Variants in GLP1R observed in about 807,000 individuals in gnomAD.
The protein encoded by GLP1R is glucagon-like peptide 1 receptor.
Under a neutral mutation model 68.4 loss-of-function variants are expected in GLP1R, and 32 were observed. That is an observed-to-expected ratio of 0.47 (90% CI 0.35 to 0.63). The LOEUF is 0.63. GLP1R is among the 20% of genes least tolerant of loss of function. The pLI is 0.00. For synonymous variants in GLP1R, 263 were observed against 244.4 expected (o/e 1.08, Z -0.71); for missense variants, 502 against 594.9 (o/e 0.84, Z 1.62).
At chr6:39,065,667 C>A (rs938311626) in intron 3 of GLP1R, 44 bp from the exon 4 acceptor site, 10 of 1,282,362 alleles carry the variant, frequency 7.8e-6, no homozygotes, top group Non-Finnish European at 1.1e-5. Context: ...GGGCAGGCTG[C>A]CCTATTCTGG....
intron 12 of GLP1R, among the ~76,000 whole-genome samples, chr6:39,082,703 G>A (rs550357194): frequency 3.9e-5 from 6 of 152,244 alleles, no homozygotes; most frequent in African/African-American, 7.2e-5. Context: ...TGGGTGATGC[G>A]CTACCCAGCC....
At chr6:39,076,369 A>C (rs1768826395) in intron 7 of GLP1R, among the ~76,000 whole-genome samples, 1 of 152,156 alleles carries the variant, frequency 6.6e-6, no homozygotes, top group Admixed American at 6.5e-5. Context: ...CAGTCTCATA[A>C]AGGCCTGTTA....
chr6:39,070,332 T>G (rs1484802160), intron 5 of GLP1R, among the ~76,000 whole-genome samples: 1 of 152,250 alleles, frequency 6.6e-6, no homozygotes, highest in Non-Finnish European at 1.5e-5. Context: ...TAACCACCAT[T>G]CCATATTCCG....
chr6:39,086,533 G>C lies in GLP1R; in HGVS notation c.*460G>C, dbSNP rs1350467212. ...CAAACACAGAGCGGGAGTGACGGGA[G>C]CCTCCTCTGCTTGCATCACTTGGGG... is the stretch of plus-strand genomic sequence containing the variant. On this transcript the variant is annotated 3_prime_UTR_variant, in exon 13 of 13. Coordinates refer to ENST00000373256, the MANE Select transcript of GLP1R (RefSeq NM_002062.5). This position sits in a 1 kb window ranked among gnomAD's most constrained non-coding sequence, Gnocchi z 4.5. The C allele has an allele frequency of 6.5e-6, 1 of 154,272 alleles. No homozygotes were observed. The highest frequency in any genetic ancestry group is 6.5e-5 in the Admixed American group (1 of 15,408). The allele number at this position is 154,272 out of a possible 1,614,324, so 9.6% of individuals were successfully genotyped here.
rs1208203342 is a variant in GLP1R at position 39,086,766 on chromosome 6, T to G, written c.*693T>G. On this transcript the variant is annotated 3_prime_UTR_variant, in exon 13 of 13. Coordinates refer to ENST00000373256, the MANE Select transcript of GLP1R (RefSeq NM_002062.5). The surrounding 1 kb of genome is among the most constrained non-coding windows in gnomAD (Gnocchi z 4.5). ...ACGGTGCTCGCTTCTCCTCCAGGTA[T>G]TTGAGTTGTTTTGGTGCCTGCCTCT... 1 of 152,662 alleles carries G rather than the reference T, an allele frequency of 6.6e-6. No homozygotes were observed. The highest frequency in any genetic ancestry group is 1.5e-5 in the Non-Finnish European group (1 of 68,072). 9.5% of individuals were successfully genotyped at this position (152,662 alleles called of 1,614,324 possible).
intron 3 of GLP1R, among the ~76,000 whole-genome samples, chr6:39,058,147 G>A (rs762005082): frequency 7.9e-5 from 12 of 152,190 alleles, no homozygotes; most frequent in South Asian, 2.1e-4. Flanking sequence ...AGAGAAATGC[G>A]ACCCCTTCCA....
intron 12 of GLP1R, among the ~76,000 whole-genome samples, chr6:39,083,784 A>T (rs1047187495): frequency 1.3e-5 from 2 of 152,118 alleles, no homozygotes; most frequent in African/African-American, 4.8e-5. Context: ...AGGGATGAGG[A>T]TAAAAATCCG....
At chr6:39,065,128 A>G (rs1390180792) in intron 3 of GLP1R, among the ~76,000 whole-genome samples, 1 of 152,120 alleles carries the variant, frequency 6.6e-6, no homozygotes, top group African/African-American at 2.4e-5. Flanking sequence ...ATCAGATTAG[A>G]ACTTCTTATG....
intron 6 of GLP1R, among the ~76,000 whole-genome samples, chr6:39,073,289 C>T (rs1768723851): frequency 6.6e-6 from 1 of 152,184 alleles, no homozygotes; most frequent in African/African-American, 2.4e-5. Flanking sequence ...TGGAGACACA[C>T]TTGAGTTTGA....
chr6:39,067,673 C>T (rs976532748), intron 5 of GLP1R, among the ~76,000 whole-genome samples: 1 of 152,188 alleles, frequency 6.6e-6, no homozygotes, highest in Non-Finnish European at 1.5e-5. Context: ...CCTGGCCCCC[C>T]CAAATTCCTG....
chr6:39,065,865 G>C (rs749971000), intron 4 of GLP1R, 36 bp downstream of exon 4: 1 of 1,307,202 alleles, frequency 7.6e-7, no homozygotes, highest in Admixed American at 1.7e-5. Flanking sequence ...AGGGAGCGGG[G>C]AGCCATGTCT....
At chr6:39,052,588 G>A (rs561613201) in intron 1 of GLP1R, among the ~76,000 whole-genome samples, 2 of 152,278 alleles carry the variant, frequency 1.3e-5, no homozygotes, top group African/African-American at 2.4e-5. Flanking sequence ...TTTCAGATTG[G>A]CAGCCAGTGT....
rs749307293 is a variant in GLP1R, at chr6:39,073,619, A to G, written c.673A>G (p.Ser225Gly). The change falls in exon 7 of 13, where the codon AGC (serine) becomes GGC (glycine). Residue 225 changes from serine (S) to glycine (G), a missense_variant. Physicochemically the swap from Ser to Gly is moderately conservative, Grantham distance 56. Coordinates refer to ENST00000373256, the MANE Select transcript of GLP1R (RefSeq NM_002062.5). ...CTTCCTCTACCCCCAGGACTCTCTGAGCTGCCGCCTGGTGTTTCTGCTCAT... is the reference window on the plus strand; with the variant it reads ...CTTCCTCTACCCCCAGGACTCTCTGGGCTGCCGCCTGGTGTTTCTGCTCAT... The part of the protein sequence containing the change: ...DGLLSYQDSL[S>G]CRLVFLLMQY... 1.9e-6 allele frequency: 3 copies of G among 1,613,872 alleles called. No homozygotes were observed. Among genetic ancestry groups the G allele is most frequent in the African/African-American group, 1.3e-5 (1 of 75,022 alleles).
Position 39,079,602 on chromosome 6 carries a change from G to A in GLP1R, c.1082G>A (p.Gly361Glu). The stretch of plus-strand genomic sequence containing the variant: ...ACGCTGACACTCATCCCCCTGCTGG[G>A]GACTCATGAGGTCATCTTTGCCTTT... ...KSTLTLIPLL[G>E]THEVIFAFVM... The change falls in exon 11 of 13, where the codon GGG becomes GAG. Residue 361 changes from glycine to glutamate, a missense_variant. Transcript: ENST00000373256. This position sits in a 1 kb window ranked among gnomAD's most constrained non-coding sequence, Gnocchi z 4.5. 6.2e-7 allele frequency: 1 copy of A among 1,608,706 alleles called. No individual in the cohort carries two copies. Among genetic ancestry groups the A allele is most frequent in the Non-Finnish European group, 8.5e-7 (1 of 1,177,916 alleles).
At chr6:39,083,884 A>G (rs1265065615) in intron 12 of GLP1R, among the ~76,000 whole-genome samples, 1 of 152,134 alleles carries the variant, frequency 6.6e-6, no homozygotes, top group African/African-American at 2.4e-5. Flanking sequence ...TTCATAGCTG[A>G]GGAACAGAAG....
At chr6:39,084,250 C>A (rs1182039824) in intron 12 of GLP1R, among the ~76,000 whole-genome samples, 2 of 152,196 alleles carry the variant, frequency 1.3e-5, no homozygotes, top group African/African-American at 4.8e-5. Flanking sequence ...ATGTGAAAGT[C>A]AGCTAAGATA....
At chr6:39,050,663 T>C (rs147392283) in intron 1 of GLP1R, among the ~76,000 whole-genome samples, 26 of 152,190 alleles carry the variant, frequency 1.7e-4, no homozygotes, top group African/African-American at 6.3e-4. Flanking sequence ...ACAGGAGGTG[T>C]TAAGGATAGA....
At chr6:39,085,070 G>A (rs1769110130) in intron 12 of GLP1R, among the ~76,000 whole-genome samples, 1 of 152,156 alleles carries the variant, frequency 6.6e-6, no homozygotes, top group Admixed American at 6.5e-5. Flanking sequence ...GCAGGTTCCA[G>A]CTAGGCCTCT....
chr6:39,053,619 T>A (rs1768138747), intron 1 of GLP1R, among the ~76,000 whole-genome samples: 1 of 152,074 alleles, frequency 6.6e-6, no homozygotes, highest in African/African-American at 2.4e-5. Context: ...ATTAACTCAG[T>A]CCCCACAGCC....
Sources: gnomAD v4.1 joint callset for allele counts (sites outside exome capture counted in the v4.1 genomes callset) on GRCh38, gnomAD v4.1.1 for gene constraint, Gnocchi (gnomAD v3.1) non-coding constraint, MANE v1.5 for transcripts, NCBI Gene and HGNC (gene_info 2026-07-23, HGNC 2026-07-21) for gene names.